The following PSMD1 variants were observed in gnomAD, a reference collection of about 807,000 sequenced individuals.
PSMD1 encodes the protein proteasome 26S subunit, non-ATPase 1.
In PSMD1, 18 loss-of-function variants were observed where a neutral mutation model predicts 119.0. The ratio of observed to expected loss-of-function variants is 0.15; its 90% CI spans 0.10 to 0.22. The LOEUF (loss-of-function observed/expected upper bound fraction) is 0.22. Among genes scored for constraint, PSMD1 ranks in the 10% least tolerant of loss-of-function variants. The pLI, the probability that PSMD1 is intolerant of heterozygous loss-of-function variation, is 1.00. For missense variants in PSMD1, 702 were observed against 1,158.5 expected, an observed-to-expected ratio of 0.61 and a Z score of 5.72; for synonymous variants, 374 against 396.6, an observed-to-expected ratio of 0.94 and a Z score of 0.68.
intron 16 of PSMD1, among the ~76,000 whole-genome samples, chr2:231,119,287 G>A (rs957935555): frequency 3.9e-5 from 6 of 152,040 alleles, no homozygotes; most frequent in East Asian, 1.9e-4. Context: ...TTTCATCTCT[G>A]ATTAGACTTG....
intron 16 of PSMD1, among the ~76,000 whole-genome samples, chr2:231,135,805 C>G (rs2125245237): frequency 6.6e-6 from 1 of 152,182 alleles, no homozygotes; most frequent in East Asian, 1.9e-4. Context: ...TCTAATAATA[C>G]TAGTGACAAT....
chr2:231,084,949 A>G, intron 14 of PSMD1, 70 bp from the exon 15 acceptor site: 2 of 1,232,460 alleles, frequency 1.6e-6, no homozygotes, highest in Non-Finnish European at 2.4e-6. Context: ...GGATGCCACT[A>G]TGCCTATTAG....
intron 16 of PSMD1, among the ~76,000 whole-genome samples, chr2:231,127,080 T>C (rs1023400660): frequency 6.6e-6 from 1 of 152,000 alleles, no homozygotes; most frequent in Non-Finnish European, 1.5e-5. Flanking sequence ...CCTCTCCCCC[T>C]TCTTTAGTGA....
intron 19 of PSMD1, among the ~76,000 whole-genome samples, chr2:231,156,251 A>G (rs1400265838): frequency 1.3e-5 from 2 of 152,124 alleles, no homozygotes; most frequent in Admixed American, 6.5e-5. Context: ...CAGAGTTTCC[A>G]TATGTCCCCT....
chr2:231,108,817 G>T, intron 16 of PSMD1: 1 of 1,614,146 alleles, frequency 6.2e-7, no homozygotes, highest in Non-Finnish European at 8.5e-7. Context: ...TCTTATTGAA[G>T]AGGGTGTAGA....
Position 231,079,590 on chromosome 2 carries a change from A to T in PSMD1, c.1215A>T (p.Thr405=). The change falls in exon 11 of 25, where the codon ACA becomes ACT. Residue 405 remains threonine (T), a synonymous_variant. Coordinates refer to ENST00000308696, the MANE Select transcript of PSMD1 (RefSeq NM_002807.4). The part of the protein sequence containing the change: ...RATNWAKFTA[T]ASLGVIHKGH... ...CTAACTGGGCAAAATTTACTGCTAC[A>T]GCCAGTTTGGGTGTAATTCATAAGG... The T allele has an allele frequency of 6.2e-7, 1 of 1,607,942 alleles. No individual in the cohort carries two copies.
intron 12 of PSMD1, among the ~76,000 whole-genome samples, chr2:231,081,143 C>CGAAAA (rs1694299332): frequency 1.1e-5 from 1 of 95,008 alleles, no homozygotes. Flanking sequence ...GAAACTCTGT[C>CGAAAA]TAAAAAAAAA....
chr2:231,167,697 G>A (rs1168044771), intron 23 of PSMD1, among the ~76,000 whole-genome samples: 7 of 152,030 alleles, frequency 4.6e-5, no homozygotes, highest in Non-Finnish European at 7.4e-5. Flanking sequence ...CACAAATCAG[G>A]GAATACAAAC....
rs533381102 is a variant in PSMD1 at position 231,143,450 on chromosome 2, G to A, written c.1999-2790G>A. ...TCACCATGTTGGTCAGGCTGGTCTCGGACTCCTGACCTCGTGATCCACCTG... is the reference window on the plus strand; with the variant it reads ...TCACCATGTTGGTCAGGCTGGTCTCAGACTCCTGACCTCGTGATCCACCTG... On this transcript the variant is annotated intron_variant, in intron 17 of 24. Coordinates refer to ENST00000308696, the MANE Select transcript of PSMD1 (RefSeq NM_002807.4). Among the ~76,000 whole-genome samples, 4 of 152,208 alleles carry A rather than the reference G, an allele frequency of 2.6e-5. No homozygotes were observed. In the South Asian group the frequency reaches 6.2e-4, roughly 24 times the overall value.
At chr2:231,144,874 A>G (rs1456415246) in intron 17 of PSMD1, among the ~76,000 whole-genome samples, 1 of 152,200 alleles carries the variant, frequency 6.6e-6, no homozygotes, top group Non-Finnish European at 1.5e-5. Flanking sequence ...TTTAGGAGTA[A>G]GAGGGTTATA....
chr2:231,153,502 G>A (rs890649486), intron 18 of PSMD1, 62 bp from the exon 19 acceptor site: 2 of 1,155,384 alleles, frequency 1.7e-6, no homozygotes, highest in Admixed American at 3.6e-5. Flanking sequence ...ATTATTCCCT[G>A]TTCTAAAATG....
chr2:231,093,397 T>C (rs1215950431), intron 16 of PSMD1, among the ~76,000 whole-genome samples: 1 of 152,156 alleles, frequency 6.6e-6, no homozygotes, highest in African/African-American at 2.4e-5. Context: ...CCAGGTAAAG[T>C]CCGGGGCTTG....
chr2:231,114,642 G>C (rs761373596), intron 16 of PSMD1, among the ~76,000 whole-genome samples: 2 of 152,078 alleles, frequency 1.3e-5, no homozygotes, highest in Non-Finnish European at 2.9e-5. Context: ...AGGGTTAGAC[G>C]TAGTACTTAA....
chr2:231,099,972 G>A (rs1017923165), intron 16 of PSMD1, among the ~76,000 whole-genome samples: 12 of 152,112 alleles, frequency 7.9e-5, no homozygotes, highest in Admixed American at 1.3e-4. Context: ...GATCCTTTAA[G>A]CTAGGTTGCT....
At chr2:231,097,182 G>A (rs944952776) in intron 16 of PSMD1, among the ~76,000 whole-genome samples, 1 of 152,210 alleles carries the variant, frequency 6.6e-6, no homozygotes, top group Non-Finnish European at 1.5e-5. Context: ...GTTTTAGTAA[G>A]TGCTGTTTTT....
rs186225725 is a variant in PSMD1, at chr2:231,165,121, G to A, written c.2482-79G>A. 61 of 830,312 alleles carry A rather than the reference G, an allele frequency of 7.3e-5. No homozygotes were observed. In the African/African-American group the frequency reaches 1.1e-3, roughly 15 times the overall value. The allele number at this position is 830,312 out of a possible 1,614,324, so 51.4% of individuals were successfully genotyped here. On this transcript the variant is annotated intron_variant, in intron 21 of 24. Coordinates refer to ENST00000308696, the MANE Select transcript of PSMD1 (RefSeq NM_002807.4). The stretch of plus-strand genomic sequence containing the variant: ...TACAGCTAGGAAATAGAATAGTGTT[G>A]TAGGACTGAGTTCTCTAGGGCTTGC...
In PSMD1 at chr2:231,083,652, A is replaced by G. The variant is rs769505341; in HGVS notation, c.1611A>G (p.Gln537=). ...TTGAGGACATGGTTGGTTATGCACA[A>G]GAAACTCAACATGAGAAGATTCTGC... ...QAIEDMVGYA[Q]ETQHEKILRG... Residue 537 remains glutamine (Q), a synonymous_variant, in exon 14 of 25, where the codon CAA becomes CAG. Coordinates refer to ENST00000308696, the MANE Select transcript of PSMD1 (RefSeq NM_002807.4). The G allele has an allele frequency of 1.7e-5, 27 of 1,614,138 alleles. No homozygotes were observed. The highest frequency in any genetic ancestry group is 1.9e-5 in the Non-Finnish European group (23 of 1,180,052).
chr2:231,099,207 G>C (rs1348042134), intron 16 of PSMD1, among the ~76,000 whole-genome samples: 1 of 152,142 alleles, frequency 6.6e-6, no homozygotes, highest in Non-Finnish European at 1.5e-5. Flanking sequence ...ATGAGAGCTG[G>C]CTCCTCTGAC....
At chr2:231,117,073 CCTAGT>C (rs1175979557) in intron 16 of PSMD1, among the ~76,000 whole-genome samples, 1 of 151,912 alleles carries the variant, frequency 6.6e-6, no homozygotes, top group Non-Finnish European at 1.5e-5. Context: ...AGGGGCTTTT[CCTAGT>C]CTAGAGACTT....
Sources: gnomAD v4.1 joint callset for allele counts (sites outside exome capture counted in the v4.1 genomes callset) on GRCh38, gnomAD v4.1.1 for gene constraint, MANE v1.5 for transcripts, NCBI Gene and HGNC (gene_info 2026-07-23, HGNC 2026-07-21) for gene names.